COL19A1: variants seen among roughly 807,000 people sequenced by gnomAD.
The protein encoded by COL19A1 is collagen type XIX alpha 1 chain, also known as collagen alpha-1(XIX) chain.
Under a neutral mutation model 190.2 loss-of-function variants are expected in COL19A1, and 159 were observed. That is an observed-to-expected ratio of 0.84 (90% CI 0.73 to 0.95). The LOEUF (loss-of-function observed/expected upper bound fraction) is 0.95. Ranked by LOEUF, COL19A1 falls within the 40% of genes least tolerant of loss-of-function variation. The probability of loss-of-function intolerance (pLI) is 0.00; values close to 1 mark genes in which losing one functional copy is unlikely to be tolerated. For synonymous variants in COL19A1, 509 were observed against 458.9 expected, an observed-to-expected ratio of 1.11 and a Z score of -1.39; for missense variants, 1,418 against 1,431.9, an observed-to-expected ratio of 0.99 and a Z score of 0.16.
chr6:69,935,492 G>A (rs1344027731), intron 7 of COL19A1, among the ~76,000 whole-genome samples: 2 of 152,028 alleles, frequency 1.3e-5, no homozygotes, highest in East Asian at 3.9e-4. Flanking sequence ...TGAGATGAAT[G>A]AACTGTTTTG....
At chr6:70,118,628 T>A (rs1323339710) in intron 16 of COL19A1, among the ~76,000 whole-genome samples, 1 of 152,220 alleles carries the variant, frequency 6.6e-6, no homozygotes, top group African/African-American at 2.4e-5. Context: ...GATTAAGTGG[T>A]AGAACCTAAA....
At position 70,206,891 on chromosome 6, in the gene COL19A1, T is replaced by C. The variant is rs1341684554; in HGVS notation, c.3224-10T>C. 6.2e-7 allele frequency: 1 copy of C among 1,610,876 alleles called. No individual in the cohort carries two copies. Among genetic ancestry groups the C allele is most frequent in the Non-Finnish European group, 8.5e-7 (1 of 1,178,980 alleles). On this transcript the variant is annotated splice_polypyrimidine_tract_variant and intron_variant, in intron 49 of 50. Coordinates refer to ENST00000620364, the MANE Select transcript of COL19A1 (RefSeq NM_001858.6). The stretch of plus-strand genomic sequence containing the variant: ...TTTGTGTGTCTCTTTTTTATATATT[T>C]CTCACTTAGGCTACAGAGGACAGAA...
intron 1 of COL19A1, among the ~76,000 whole-genome samples, chr6:69,867,040 T>TG (rs978888846): frequency 6.7e-6 from 1 of 149,596 alleles, no homozygotes; most frequent in Non-Finnish European, 1.5e-5. Context: ...ACAAAAAAAA[T>TG]GGGGGGTTAA....
At chr6:70,145,106 G>T in intron 25 of COL19A1, 99 bp downstream of exon 25, 1 of 906,306 alleles carries the variant, frequency 1.1e-6, no homozygotes, top group Non-Finnish European at 1.7e-6. Context: ...ATAAGTTTAG[G>T]TCTGCAAAAA....
chr6:70,130,279 G>A, intron 18 of COL19A1, 56 bp downstream of exon 18: 1 of 1,455,482 alleles, frequency 6.9e-7, no homozygotes, highest in Non-Finnish European at 9.5e-7. Flanking sequence ...AGGCTGGAGT[G>A]CAGTGGCACA....
chr6:70,062,436 A>C (rs1208158217), intron 14 of COL19A1, among the ~76,000 whole-genome samples: 1 of 151,586 alleles, frequency 6.6e-6, no homozygotes, highest in African/African-American at 2.4e-5. Context: ...ATGCTGAGAG[A>C]TTTTGTCACC....
chr6:70,099,235 T>C (rs1783478657), intron 15 of COL19A1, among the ~76,000 whole-genome samples: 1 of 151,890 alleles, frequency 6.6e-6, no homozygotes, highest in African/African-American at 2.4e-5. Flanking sequence ...TTTCCTAAGG[T>C]GAATCTTGTT....
At chr6:70,010,050 A>G (rs1332624726) in intron 11 of COL19A1, among the ~76,000 whole-genome samples, 4 of 152,226 alleles carry the variant, frequency 2.6e-5, no homozygotes, top group African/African-American at 9.6e-5. Context: ...GTTTTTAACT[A>G]TGACACTAAA....
In COL19A1 at chr6:69,913,957, T is replaced by TA. The variant is rs78628399; in HGVS notation, c.266+13632dup. ...GGCAGGGTTGGGTTTAATCCAGGGT[T>TA]AAAAAAAAAAAAACCCTTTCCTGGC... On this transcript the variant is annotated intron_variant, in intron 4 of 50. Transcript: ENST00000620364. 1.7e-3 allele frequency among the ~76,000 whole-genome samples: 239 copies of TA among 140,134 alleles called. 1 individual carries two copies. Among genetic ancestry groups the TA allele is most frequent in the Middle Eastern group, 7.4e-3 (2 of 270 alleles). 91.9% of individuals were successfully genotyped at this position (140,134 alleles called of 152,430 possible). A position where few individuals can be genotyped will look rare whatever the true frequency, so the allele number is the denominator to read the frequency against.
intron 49 of COL19A1, among the ~76,000 whole-genome samples, chr6:70,204,950 T>G (rs561766134): frequency 6.6e-6 from 1 of 152,298 alleles, no homozygotes; most frequent in African/African-American, 2.4e-5. Flanking sequence ...TATACATTTT[T>G]TTCCTGCTGT....
At chr6:69,879,774 A>G in intron 2 of COL19A1, 116 bp downstream of exon 2, 2 of 849,344 alleles carry the variant, frequency 2.4e-6, no homozygotes, top group South Asian at 1.9e-5. Context: ...AACAGAATAA[A>G]TTACAATTCA....
intron 40 of COL19A1, among the ~76,000 whole-genome samples, chr6:70,169,806 C>G (rs1765394402): frequency 6.6e-6 from 1 of 151,924 alleles, no homozygotes; most frequent in African/African-American, 2.4e-5. Flanking sequence ...CTGGTCTTTC[C>G]CTCTCATACT....
At chr6:70,042,054 G>A (rs1204782991) in intron 14 of COL19A1, among the ~76,000 whole-genome samples, 2 of 152,098 alleles carry the variant, frequency 1.3e-5, no homozygotes, top group African/African-American at 4.8e-5. Context: ...GACATAGCAA[G>A]ACTCTGTCTC....
At chr6:69,950,958 T>C (rs978706818) in intron 9 of COL19A1, among the ~76,000 whole-genome samples, 1 of 151,912 alleles carries the variant, frequency 6.6e-6, no homozygotes, top group Non-Finnish European at 1.5e-5. Flanking sequence ...TATTGTCCAA[T>C]AATCTTATCC....
chr6:70,199,531 A>G (rs1767413441), intron 48 of COL19A1, 77 bp from the exon 49 acceptor site: 1 of 1,111,760 alleles, frequency 9.0e-7, no homozygotes, highest in Non-Finnish European at 1.2e-6. Flanking sequence ...TGTTTGTTTG[A>G]TTTCATGTAT....
chr6:70,035,975 TC>T, intron 14 of COL19A1, 36 bp downstream of exon 14: 1 of 1,593,730 alleles, frequency 6.3e-7, no homozygotes, highest in African/African-American at 1.3e-5. Flanking sequence ...AAAATTGAAA[TC>T]CATTATTCTG....
intron 14 of COL19A1, among the ~76,000 whole-genome samples, chr6:70,063,723 A>G (rs1354425206): frequency 6.6e-6 from 1 of 152,180 alleles, no homozygotes; most frequent in Non-Finnish European, 1.5e-5. Context: ...AACAGAATTG[A>G]TAGACCGCTA....
chr6:70,156,210 G>A lies in COL19A1; in HGVS notation c.2163G>A (p.Lys721=). ...GEEGGAGEPG[K]YDSMARKGDI... The stretch of plus-strand genomic sequence containing the variant: ...AAGGAGGTGCTGGTGAGCCTGGAAA[G>A]TATGATTCCATGGCCCGGAAGGTGA... Residue 721 remains lysine (K), a synonymous_variant, in exon 32 of 51, where the codon AAG becomes AAA. Transcript: ENST00000620364. The A allele has an allele frequency of 6.2e-7, 1 of 1,613,354 alleles. No individual in the cohort carries two copies.
At chr6:70,157,831 G>A (rs1787538545) in intron 34 of COL19A1, among the ~76,000 whole-genome samples, 1 of 152,098 alleles carries the variant, frequency 6.6e-6, no homozygotes, top group South Asian at 2.1e-4. Flanking sequence ...GGCTTTAGAG[G>A]CAATTGAGAA....
Sources: allele counts gnomAD v4.1 joint callset (sites outside exome capture counted in the v4.1 genomes callset), GRCh38; gene constraint gnomAD v4.1.1; transcripts MANE v1.5; gene names NCBI Gene and HGNC (gene_info 2026-07-23, HGNC 2026-07-21).